The following CNTN4 variants were observed in gnomAD, a reference collection of about 807,000 sequenced individuals.
CNTN4 encodes the protein contactin-4.
CNTN4 carries 77 observed loss-of-function variants against 122.5 expected under a neutral mutation model. The observed-to-expected ratio is 0.63, with a 90% CI of 0.52 to 0.76. The LOEUF is 0.76. Ranked by LOEUF, CNTN4 falls within the 30% of genes least tolerant of loss-of-function variation. CNTN4 has a pLI of 0.00. For missense variants in CNTN4, 1,256 were observed against 1,259.1 expected, an observed-to-expected ratio of 1.00 and a Z score of 0.04; for synonymous variants, 512 against 447.0, an observed-to-expected ratio of 1.15 and a Z score of -1.83.
chr3:2,747,346 T>C (rs373116991), intron 6 of CNTN4, among the ~76,000 whole-genome samples: 3 of 151,148 alleles, frequency 2.0e-5, no homozygotes, highest in South Asian at 2.1e-4. Context: ...GAGGCGGAGC[T>C]TGCAGTGAGC....
In CNTN4 at chr3:2,274,650, A is replaced by G. The variant is rs576669303; in HGVS notation, c.-144-64528A>G. On this transcript the variant is annotated intron_variant, in intron 2 of 24. Transcript: ENST00000418658. ...TTCTCAGCAAGTTAAAATGTCAAGT[A>G]TATGGGCCTTTAAGAAAGGTTTCAA... Among the ~76,000 whole-genome samples, 289 of 152,312 alleles carry G rather than the reference A, an allele frequency of 1.9e-3. 1 individual carries two copies. The highest frequency in any genetic ancestry group is 3.4e-3 in the Non-Finnish European group (234 of 68,034).
intron 4 of CNTN4, among the ~76,000 whole-genome samples, chr3:2,690,042 A>G (rs962069212): frequency 6.6e-6 from 1 of 152,278 alleles, no homozygotes; most frequent in East Asian, 1.9e-4. Context: ...TTAGAAAAGC[A>G]GTCATACCAG....
At chr3:2,746,245 T>C (rs1389031075) in intron 6 of CNTN4, among the ~76,000 whole-genome samples, 3 of 152,216 alleles carry the variant, frequency 2.0e-5, no homozygotes, top group African/African-American at 4.8e-5. Context: ...AATTCTCTAA[T>C]TGTTTCCTAT....
At chr3:2,398,104 G>A (rs139395807) in intron 3 of CNTN4, among the ~76,000 whole-genome samples, 97 of 152,076 alleles carry the variant, frequency 6.4e-4, no homozygotes, top group African/African-American at 2.1e-3. Flanking sequence ...ATTAAAAGTC[G>A]AGACAGTTTT....
At chr3:2,817,322 C>T (rs999054691) in intron 6 of CNTN4, among the ~76,000 whole-genome samples, 4 of 152,196 alleles carry the variant, frequency 2.6e-5, no homozygotes, top group South Asian at 2.1e-4. Flanking sequence ...TAGACCTGCC[C>T]ATGGTCAACA....
At chr3:2,500,087 A>G (rs764711573) in intron 3 of CNTN4, among the ~76,000 whole-genome samples, 5 of 152,142 alleles carry the variant, frequency 3.3e-5, no homozygotes, top group Admixed American at 6.5e-5. Context: ...TCTTATGTCA[A>G]CATCCTACAG....
intron 2 of CNTN4, among the ~76,000 whole-genome samples, chr3:2,153,646 G>T (rs1018285644): frequency 2.6e-5 from 4 of 151,946 alleles, no homozygotes; most frequent in African/African-American, 7.3e-5. Context: ...CATGGTAAGG[G>T]TGTACTTTAT....
intron 3 of CNTN4, among the ~76,000 whole-genome samples, chr3:2,485,639 C>A (rs776258132): frequency 6.6e-6 from 1 of 151,488 alleles, no homozygotes; most frequent in Non-Finnish European, 1.5e-5. Flanking sequence ...CTTGGAGAAT[C>A]TTTGTCTAGC....
chr3:2,935,510 A>G (rs1375684548), intron 13 of CNTN4, among the ~76,000 whole-genome samples: 1 of 152,192 alleles, frequency 6.6e-6, no homozygotes, highest in Non-Finnish European at 1.5e-5. Context: ...AATCTTCTAC[A>G]AGATGAAACT....
intron 6 of CNTN4, among the ~76,000 whole-genome samples, chr3:2,770,373 T>C (rs1299525920): frequency 1.3e-5 from 2 of 152,188 alleles, no homozygotes; most frequent in African/African-American, 4.8e-5. Flanking sequence ...ATGTTAGAGA[T>C]TTAAAACCAT....
rs558953575 is a variant in CNTN4 at position 2,215,628 on chromosome 3, A to G, written c.-145+114989A>G. 7.2e-5 allele frequency among the ~76,000 whole-genome samples: 11 copies of G among 152,228 alleles called. No homozygotes were observed. In the South Asian group the frequency reaches 2.1e-3, roughly 29 times the overall value. On this transcript the variant is annotated intron_variant, in intron 2 of 24. Transcript: ENST00000418658. ...CTGGGCGCAGTGGTTCACGCCTGTA[A>G]TCCCAGCACTTTGGGAGGCCGAGGC...
chr3:2,452,450 A>G (rs1353609687), intron 3 of CNTN4, among the ~76,000 whole-genome samples: 1 of 152,102 alleles, frequency 6.6e-6, no homozygotes, highest in Non-Finnish European at 1.5e-5. Flanking sequence ...TCTATTTGGG[A>G]AGGGACTTAG....
chr3:2,471,499 G>A (rs916463595), intron 3 of CNTN4, among the ~76,000 whole-genome samples: 1 of 152,062 alleles, frequency 6.6e-6, no homozygotes, highest in East Asian at 1.9e-4. Flanking sequence ...GAAGTGAGTG[G>A]CATCTGTGTT....
chr3:2,814,334 A>C (rs1055366983), intron 6 of CNTN4, among the ~76,000 whole-genome samples: 4 of 152,346 alleles, frequency 2.6e-5, no homozygotes, highest in Admixed American at 2.6e-4. Context: ...ATTCAATACT[A>C]TCTTTGGTGA....
Position 3,043,617 on chromosome 3 carries a change from C to T in CNTN4, c.2724C>T (p.Ile908=), listed in dbSNP as rs1258186651. Residue 908 remains isoleucine (I), a synonymous_variant, in exon 23 of 25, where the codon ATC becomes ATT. Coordinates refer to ENST00000418658, the MANE Select transcript of CNTN4 (RefSeq NM_175607.3). The stretch of plus-strand genomic sequence containing the variant: ...CACCAAGTCAACCCCCCGGAAACAT[C>T]ATATGGAATTCATCAGACTCCAAAA... The part of the protein sequence containing the change: ...KPPPSQPPGN[I]IWNSSDSKII... 1.2e-6 allele frequency: 2 copies of T among 1,613,882 alleles called. No individual in the cohort carries two copies. Among genetic ancestry groups the T allele is most frequent in the Non-Finnish European group, 1.7e-6 (2 of 1,179,758 alleles).
intron 12 of CNTN4, among the ~76,000 whole-genome samples, chr3:2,919,686 A>G (rs2094408228): frequency 6.6e-6 from 1 of 152,190 alleles, no homozygotes; most frequent in Non-Finnish European, 1.5e-5. Flanking sequence ...AGACACTGAC[A>G]TGTAAATGAA....
chr3:2,945,811 A>T (rs975568369), intron 13 of CNTN4, among the ~76,000 whole-genome samples: 3 of 152,206 alleles, frequency 2.0e-5, no homozygotes, highest in Admixed American at 2.0e-4. Context: ...TGCCTAGAGG[A>T]TAGATTTGTG....
At position 2,745,238 on chromosome 3, in the gene CNTN4, T is replaced by G. The variant is rs561711534; in HGVS notation, c.183-284T>G. Among the ~76,000 whole-genome samples, 12 of 152,308 alleles carry G rather than the reference T, an allele frequency of 7.9e-5. No homozygotes were observed. In the East Asian group the frequency reaches 1.3e-3, roughly 17 times the overall value. Reference sequence around the variant, plus strand: ...GCTATGAGAAATCTGTGGCCCGCCTTCAAAACAGTGAAGTGTTTGTAGCAT... The same window carrying G: ...GCTATGAGAAATCTGTGGCCCGCCTGCAAAACAGTGAAGTGTTTGTAGCAT... On this transcript the variant is annotated intron_variant, in intron 5 of 24. Transcript: ENST00000418658.
chr3:2,575,504 C>G (rs1438329382), intron 4 of CNTN4, among the ~76,000 whole-genome samples: 1 of 152,050 alleles, frequency 6.6e-6, no homozygotes, highest in Non-Finnish European at 1.5e-5. Context: ...GAGCCAGACT[C>G]AGGAAGGAAG....
Sources: allele counts gnomAD v4.1 joint callset (sites outside exome capture counted in the v4.1 genomes callset), GRCh38; gene constraint gnomAD v4.1.1; transcripts MANE v1.5; gene names NCBI Gene and HGNC (gene_info 2026-07-23, HGNC 2026-07-21).